Variants in TP63 observed in about 807,000 individuals in gnomAD.
The protein encoded by TP63 is tumor protein p63.
Under a neutral mutation model 82.8 loss-of-function variants are expected in TP63, and 17 were observed. That is an observed-to-expected ratio of 0.21 (90% CI 0.14 to 0.31). The LOEUF (loss-of-function observed/expected upper bound fraction) is 0.31. TP63 is among the 10% of genes least tolerant of loss of function. The pLI is 1.00. For synonymous variants in TP63, 330 were observed against 321.7 expected, an observed-to-expected ratio of 1.03 and a Z score of -0.28; for missense variants, 648 against 895.3, an observed-to-expected ratio of 0.72 and a Z score of 3.52.
At chr3:189,798,442 T>C (rs1264155199) in intron 3 of TP63, among the ~76,000 whole-genome samples, 1 of 152,094 alleles carries the variant, frequency 6.6e-6, no homozygotes, top group East Asian at 1.9e-4. Flanking sequence ...AAGTAATTAG[T>C]GTAAAGTATG....
chr3:189,667,936 A>G (rs532076611), intron 1 of TP63, among the ~76,000 whole-genome samples: 2 of 152,234 alleles, frequency 1.3e-5, no homozygotes, highest in African/African-American at 4.8e-5. Context: ...CTTTAATCAT[A>G]AAATTAACAG....
chr3:189,610,954 T>A, the TP63 span, among the ~76,000 whole-genome samples: 2 of 152,284 alleles, frequency 1.3e-5, no homozygotes, highest in East Asian at 3.9e-4. Context: ...CTTATAGCAC[T>A]GTCAGATCTC....
At chr3:189,800,289 TA>T (rs1726149178) in intron 3 of TP63, among the ~76,000 whole-genome samples, 1 of 152,084 alleles carries the variant, frequency 6.6e-6, no homozygotes, top group Admixed American at 6.6e-5. Context: ...CAGGCCACGT[TA>T]AAGACCTGAG....
At chr3:189,793,412 G>T (rs763469370) in intron 3 of TP63, among the ~76,000 whole-genome samples, 1 of 151,968 alleles carries the variant, frequency 6.6e-6, no homozygotes, top group Admixed American at 6.6e-5. Flanking sequence ...TTCATTATAC[G>T]TACATTTTCT....
the TP63 span, among the ~76,000 whole-genome samples, chr3:189,622,742 A>G: frequency 6.6e-6 from 1 of 152,176 alleles, no homozygotes; most frequent in Non-Finnish European, 1.5e-5. Flanking sequence ...ACAGCGGCTG[A>G]TGGTTATTTC....
At chr3:189,685,952 G>A (rs576782214) in intron 1 of TP63, among the ~76,000 whole-genome samples, 3 of 152,282 alleles carry the variant, frequency 2.0e-5, no homozygotes, top group South Asian at 2.1e-4. Flanking sequence ...TTTGCTCTGG[G>A]AATCAGAAAA....
intron 4 of TP63, among the ~76,000 whole-genome samples, chr3:189,854,826 G>A (rs181490081): frequency 2.0e-5 from 3 of 152,188 alleles, no homozygotes; most frequent in African/African-American, 7.2e-5. Flanking sequence ...CTTAGGAACT[G>A]GAAGAAATAT....
At chr3:189,638,875 A>T (rs1219647845) in intron 1 of TP63, among the ~76,000 whole-genome samples, 1 of 152,142 alleles carries the variant, frequency 6.6e-6, no homozygotes, top group Non-Finnish European at 1.5e-5. Flanking sequence ...TTGCACACCC[A>T]GTTTTGAAAA....
chr3:189,616,143 T>TA, the TP63 span, among the ~76,000 whole-genome samples: 1 of 152,198 alleles, frequency 6.6e-6, no homozygotes, highest in Non-Finnish European at 1.5e-5. Context: ...TAAACACATT[T>TA]AAAAAAACTG....
intron 3 of TP63, among the ~76,000 whole-genome samples, chr3:189,761,896 A>G (rs1412715152): frequency 6.6e-6 from 1 of 152,204 alleles, no homozygotes; most frequent in East Asian, 1.9e-4. Context: ...GAGCTTGTGC[A>G]GAGAAACCCC....
At chr3:189,606,218 T>A in the TP63 span, among the ~76,000 whole-genome samples, 1 of 152,104 alleles carries the variant, frequency 6.6e-6, no homozygotes, top group Admixed American at 6.5e-5. Flanking sequence ...TTTAATTGCA[T>A]ACTAATTGAT....
chr3:189,710,740 C>T (rs1718533847), intron 1 of TP63, among the ~76,000 whole-genome samples: 1 of 152,162 alleles, frequency 6.6e-6, no homozygotes, highest in Admixed American at 6.5e-5. Flanking sequence ...GGTGATTCAA[C>T]AGAGTCAGGG....
chr3:189,829,010 G>T (rs1403725920), intron 4 of TP63, among the ~76,000 whole-genome samples: 1 of 152,182 alleles, frequency 6.6e-6, no homozygotes, highest in African/African-American at 2.4e-5. Flanking sequence ...CTCAGTGAAT[G>T]TTCAGTGAAT....
At chr3:189,838,236 C>T (rs1247839675) in intron 4 of TP63, among the ~76,000 whole-genome samples, 1 of 152,068 alleles carries the variant, frequency 6.6e-6, no homozygotes, top group Non-Finnish European at 1.5e-5. Flanking sequence ...AGTGTCTTCA[C>T]CTGTTTCCTT....
intron 4 of TP63, among the ~76,000 whole-genome samples, chr3:189,813,423 T>C (rs1361406274): frequency 6.6e-6 from 1 of 151,858 alleles, no homozygotes; most frequent in Non-Finnish European, 1.5e-5. Flanking sequence ...ACCCCACTTG[T>C]AGGGGCGGTG....
At chr3:189,835,124 C>T (rs925535004) in intron 4 of TP63, among the ~76,000 whole-genome samples, 3 of 152,088 alleles carry the variant, frequency 2.0e-5, no homozygotes, top group Admixed American at 1.3e-4. Context: ...AGATCCCACA[C>T]ATATAAAGCT....
At chr3:189,771,027 G>A (rs1243659941) in intron 3 of TP63, among the ~76,000 whole-genome samples, 1 of 151,744 alleles carries the variant, frequency 6.6e-6, no homozygotes, top group African/African-American at 2.4e-5. Flanking sequence ...ACCATTCTAA[G>A]TGCATTATCT....
At chr3:189,894,175 A>G (rs2108872629) in intron 13 of TP63, 31 bp from the exon 14 acceptor site, 1 of 1,613,956 alleles carries the variant, frequency 6.2e-7, no homozygotes. Context: ...CCCTGTTTTC[A>G]TTCTCCATGA....
At chr3:189,834,953 A>G (rs935730203) in intron 4 of TP63, among the ~76,000 whole-genome samples, 1 of 151,320 alleles carries the variant, frequency 6.6e-6, no homozygotes, top group Non-Finnish European at 1.5e-5. Context: ...AAGACAGAGA[A>G]CTGGGTCATA....
Sources: gnomAD v4.1 joint callset for allele counts (sites outside exome capture counted in the v4.1 genomes callset) on GRCh38, gnomAD v4.1.1 for gene constraint, MANE v1.5 for transcripts, NCBI Gene and HGNC (gene_info 2026-07-23, HGNC 2026-07-21) for gene names.